Variants in NTNG1 observed in about 807,000 individuals in gnomAD.
NTNG1 encodes netrin-G1.
A neutral mutation model predicts 54.0 loss-of-function variants in NTNG1; 16 were observed. The observed-to-expected ratio is 0.30, with a 90% CI of 0.20 to 0.45. The LOEUF is 0.45. NTNG1 is among the 20% of genes least tolerant of loss of function. The probability of loss-of-function intolerance (pLI) is 1.00; values close to 1 mark genes in which losing one functional copy is unlikely to be tolerated. For synonymous variants in NTNG1, 255 were observed against 263.1 expected, an observed-to-expected ratio of 0.97 and a Z score of 0.30; for missense variants, 530 against 678.7, an observed-to-expected ratio of 0.78 and a Z score of 2.43.
At chr1:107,236,889 C>G (rs949643319) in intron 2 of NTNG1, among the ~76,000 whole-genome samples, 2 of 152,076 alleles carry the variant, frequency 1.3e-5, no homozygotes, top group African/African-American at 4.8e-5. Flanking sequence ...TGTAAATTGC[C>G]CAGTCTCAGG....
intron 2 of NTNG1, among the ~76,000 whole-genome samples, chr1:107,312,303 G>A (rs1439085747): frequency 3.9e-5 from 6 of 152,100 alleles, no homozygotes; most frequent in Admixed American, 3.3e-4. Context: ...TTAGGAAATG[G>A]AAGAATTTGG....
intron 3 of NTNG1, among the ~76,000 whole-genome samples, chr1:107,379,198 C>G (rs1460352225): frequency 6.6e-6 from 1 of 152,134 alleles, no homozygotes; most frequent in Non-Finnish European, 1.5e-5. Flanking sequence ...GGCGGGTCCT[C>G]AAATGAAGGG....
intron 2 of NTNG1, among the ~76,000 whole-genome samples, chr1:107,181,565 G>A (rs1483473754): frequency 7.9e-5 from 1 of 12,606 alleles, no homozygotes; most frequent in Non-Finnish European, 3.3e-4. Flanking sequence ...AACTGTGGCT[G>A]AGGATTCTTT....
chr1:107,287,210 C>A (rs953641716), intron 2 of NTNG1, among the ~76,000 whole-genome samples: 1 of 151,968 alleles, frequency 6.6e-6, no homozygotes, highest in Non-Finnish European at 1.5e-5. Context: ...TTACATAAAG[C>A]ATTATAATAA....
chr1:107,293,150 A>G (rs1368172075), intron 2 of NTNG1, among the ~76,000 whole-genome samples: 1 of 152,216 alleles, frequency 6.6e-6, no homozygotes, highest in Non-Finnish European at 1.5e-5. Context: ...TCAAAAATGT[A>G]ACCAAAAATA....
At chr1:107,267,202 T>C (rs1307389826) in intron 2 of NTNG1, among the ~76,000 whole-genome samples, 1 of 152,224 alleles carries the variant, frequency 6.6e-6, no homozygotes, top group Non-Finnish European at 1.5e-5. Context: ...ATATGGTTGT[T>C]ATACAGATAA....
At chr1:107,395,451 G>A (rs201629394) in intron 4 of NTNG1, 125 bp downstream of exon 4, 252 of 895,822 alleles carry the variant, frequency 2.8e-4, no homozygotes, top group African/African-American at 1.1e-3. Flanking sequence ...AAAGTGCAGC[G>A]AAAGTTTCAG....
chr1:107,181,930 A>G (rs2101136183), intron 2 of NTNG1, among the ~76,000 whole-genome samples: 1 of 151,980 alleles, frequency 6.6e-6, no homozygotes, highest in Non-Finnish European at 1.5e-5. Flanking sequence ...CCTTTAGGTG[A>G]AAAAAAATGC....
At chr1:107,441,765 A>G (rs1244568557) in intron 7 of NTNG1, among the ~76,000 whole-genome samples, 3 of 152,122 alleles carry the variant, frequency 2.0e-5, no homozygotes, top group South Asian at 2.1e-4. Flanking sequence ...AAGAATGTCA[A>G]AGTTTCATGT....
chr1:107,337,463 T>C (rs1046806019), intron 3 of NTNG1, among the ~76,000 whole-genome samples: 13 of 151,900 alleles, frequency 8.6e-5, no homozygotes, highest in African/African-American at 2.9e-4. Flanking sequence ...TGGGGGCAGA[T>C]GAAAAAGAAG....
At chr1:107,451,379 A>G (rs548269) in intron 7 of NTNG1, among the ~76,000 whole-genome samples, 146,613 of 152,100 alleles carry the variant, frequency 0.96, 70,880 homozygotes, top group East Asian at 1. Flanking sequence ...ACTAAAAGGC[A>G]CTGAGGAACA....
At chr1:107,230,569 G>A (rs2101527525) in intron 2 of NTNG1, among the ~76,000 whole-genome samples, 1 of 152,296 alleles carries the variant, frequency 6.6e-6, no homozygotes, top group African/African-American at 2.4e-5. Context: ...TTACATAGCA[G>A]CCAAACAAAT....
At chr1:107,231,462 T>C (rs1452976072) in intron 2 of NTNG1, among the ~76,000 whole-genome samples, 4 of 152,218 alleles carry the variant, frequency 2.6e-5, no homozygotes, top group Admixed American at 2.0e-4. Context: ...ATTCCATGTG[T>C]CTTCTCAACA....
intron 7 of NTNG1, among the ~76,000 whole-genome samples, chr1:107,466,922 C>T (rs1337277338): frequency 1.3e-5 from 2 of 152,190 alleles, no homozygotes; most frequent in African/African-American, 2.4e-5. Flanking sequence ...AATTTCCCCC[C>T]TTTTCAGGTC....
intron 2 of NTNG1, among the ~76,000 whole-genome samples, chr1:107,310,619 A>G (rs1035264868): frequency 1.3e-5 from 2 of 152,176 alleles, no homozygotes; most frequent in South Asian, 2.1e-4. Context: ...GGCATGTTAT[A>G]TATCAGGTAT....
At chr1:107,381,244 G>C (rs1469275630) in intron 3 of NTNG1, among the ~76,000 whole-genome samples, 1 of 145,704 alleles carries the variant, frequency 6.9e-6, no homozygotes, top group Non-Finnish European at 1.5e-5. Flanking sequence ...TAGACCTAGA[G>C]AAGCAAAGTC....
At chr1:107,169,723 G>A (rs1361685392) in intron 2 of NTNG1, among the ~76,000 whole-genome samples, 4 of 152,178 alleles carry the variant, frequency 2.6e-5, no homozygotes, top group African/African-American at 9.6e-5. Flanking sequence ...AGGACGCCTT[G>A]CACTAGCCTA....
intron 2 of NTNG1, among the ~76,000 whole-genome samples, chr1:107,316,214 T>A (rs886422693): frequency 9.2e-5 from 14 of 152,122 alleles, no homozygotes; most frequent in Non-Finnish European, 2.1e-4. Context: ...AAAATATATT[T>A]CTAAACAAAG....
intron 3 of NTNG1, among the ~76,000 whole-genome samples, chr1:107,377,775 T>C (rs1202075016): frequency 6.6e-6 from 1 of 152,222 alleles, no homozygotes; most frequent in Non-Finnish European, 1.5e-5. Flanking sequence ...TACTGGGGAA[T>C]CTCCCTAGAC....
Sources: allele counts gnomAD v4.1 joint callset (sites outside exome capture counted in the v4.1 genomes callset), GRCh38; gene constraint gnomAD v4.1.1; transcripts MANE v1.5; gene names NCBI Gene and HGNC (gene_info 2026-07-23, HGNC 2026-07-21).